Variants in JAZF1 observed in about 807,000 individuals in gnomAD.
JAZF1 encodes the protein JAZF zinc finger 1, also known as juxtaposed with another zinc finger protein 1.
JAZF1 carries 8 observed loss-of-function variants against 26.4 expected under a neutral mutation model. The ratio of observed to expected loss-of-function variants is 0.30; its 90% CI spans 0.18 to 0.55. The LOEUF is 0.55. JAZF1 is among the 20% of genes least tolerant of loss of function. The pLI is 0.94. For synonymous variants in JAZF1, 126 were observed against 122.3 expected (o/e 1.03, Z -0.20); for missense variants, 199 against 322.0 (o/e 0.62, Z 2.92).
At chr7:27,848,113 C>T (rs999474556) in intron 3 of JAZF1, among the ~76,000 whole-genome samples, 1 of 152,156 alleles carries the variant, frequency 6.6e-6, no homozygotes, top group African/African-American at 2.4e-5. Flanking sequence ...CATTAGGATT[C>T]TGATAGGGAT....
intron 2 of JAZF1, among the ~76,000 whole-genome samples, chr7:27,903,307 T>C (rs1784197405): frequency 6.6e-6 from 1 of 152,118 alleles, no homozygotes; most frequent in Non-Finnish European, 1.5e-5. Flanking sequence ...GATTTTCTCA[T>C]GTCAGCCTCC....
chr7:27,986,811 A>T (rs567070202), intron 2 of JAZF1, among the ~76,000 whole-genome samples: 1 of 152,094 alleles, frequency 6.6e-6, no homozygotes. Context: ...GCGCGCTGCC[A>T]TGCCTGACTG....
At chr7:27,937,178 T>C (rs750324660) in intron 2 of JAZF1, among the ~76,000 whole-genome samples, 17 of 152,200 alleles carry the variant, frequency 1.1e-4, no homozygotes, top group Non-Finnish European at 2.2e-4. Flanking sequence ...CCAAAGAGAT[T>C]TGTGCATTAT....
chr7:27,881,227 C>G (rs753469772), intron 3 of JAZF1, among the ~76,000 whole-genome samples: 1 of 152,162 alleles, frequency 6.6e-6, no homozygotes, highest in Non-Finnish European at 1.5e-5. Flanking sequence ...GCATGGCCCA[C>G]AGGTGGTGGC....
Position 27,831,075 on chromosome 7 carries a change from A to G in JAZF1, c.*1725T>C, listed in dbSNP as rs971557617. On this transcript the variant is annotated 3_prime_UTR_variant, in exon 5 of 5. Coordinates refer to ENST00000283928, the MANE Select transcript of JAZF1 (RefSeq NM_175061.4). ...CTTATGCACCAACTAGTTGCGTCTC[A>G]TGTCTGGATCACCCTTTTAAACATA... The G allele has an allele frequency of 1.4e-4, 32 of 222,434 alleles. No individual in the cohort carries two copies. Among genetic ancestry groups the G allele is most frequent in the Middle Eastern group, 1.4e-3 (1 of 714 alleles). The allele number at this position is 222,434 out of a possible 1,614,324, so 13.8% of individuals were successfully genotyped here.
intron 2 of JAZF1, among the ~76,000 whole-genome samples, chr7:27,982,418 T>C (rs556505885): frequency 6.6e-6 from 1 of 152,238 alleles, no homozygotes; most frequent in African/African-American, 2.4e-5. Context: ...CGTCCGCCAC[T>C]GCTGAGGCTT....
At chr7:27,938,142 C>A (rs1488214935) in intron 2 of JAZF1, among the ~76,000 whole-genome samples, 4 of 152,196 alleles carry the variant, frequency 2.6e-5, no homozygotes, top group Non-Finnish European at 2.9e-5. Context: ...AACAATTTCA[C>A]AACCTGACCC....
intron 1 of JAZF1, among the ~76,000 whole-genome samples, chr7:28,077,528 A>G (rs1291527590): frequency 2.0e-5 from 3 of 152,098 alleles, no homozygotes; most frequent in Non-Finnish European, 4.4e-5. Flanking sequence ...TTCTACAACA[A>G]ATAAATAAAA....
At chr7:28,026,388 C>T (rs549579305) in intron 1 of JAZF1, among the ~76,000 whole-genome samples, 1 of 152,294 alleles carries the variant, frequency 6.6e-6, no homozygotes, top group East Asian at 1.9e-4. Flanking sequence ...TAAGAGAATG[C>T]AGTGCAGACA....
intron 3 of JAZF1, among the ~76,000 whole-genome samples, chr7:27,864,496 T>A (rs560080132): frequency 8.0e-4 from 122 of 152,248 alleles, no homozygotes; most frequent in African/African-American, 2.8e-3. Context: ...TCAAAACCCA[T>A]GGGTTTGCCC....
At chr7:28,128,333 C>A (rs376074368) in intron 1 of JAZF1, among the ~76,000 whole-genome samples, 42 of 152,148 alleles carry the variant, frequency 2.8e-4, no homozygotes, top group African/African-American at 8.9e-4. Context: ...ACCAGCCTGG[C>A]CAATATGGTG....
Position 27,930,246 on chromosome 7 carries a change from T to C in JAZF1, c.189-34830A>G, listed in dbSNP as rs533697091. 1.2e-4 allele frequency among the ~76,000 whole-genome samples: 18 copies of C among 152,262 alleles called. No individual in the cohort carries two copies. The East Asian group carries it at 3.3e-3, about 28-fold the overall frequency. ...TCCTGACCTCATGATCCGCCCGCCTTGGCCTCCCAAAGTACTGGGATTACA... is the reference window on the plus strand; with the variant it reads ...TCCTGACCTCATGATCCGCCCGCCTCGGCCTCCCAAAGTACTGGGATTACA... On this transcript the variant is annotated intron_variant, in intron 2 of 4. Coordinates refer to ENST00000283928, the MANE Select transcript of JAZF1 (RefSeq NM_175061.4).
At chr7:27,881,609 C>A (rs1023171476) in intron 3 of JAZF1, among the ~76,000 whole-genome samples, 24 of 152,236 alleles carry the variant, frequency 1.6e-4, no homozygotes, top group African/African-American at 5.5e-4. Context: ...AGGGTGGGGG[C>A]CTGCTCAAGA....
At chr7:27,855,436 GGTT>G (rs1783229863) in intron 3 of JAZF1, among the ~76,000 whole-genome samples, 1 of 151,854 alleles carries the variant, frequency 6.6e-6, no homozygotes, top group Non-Finnish European at 1.5e-5. Context: ...TCCAGGAGCT[GGTT>G]TTTTGAAAAA....
chr7:28,116,027 A>G (rs1784735985), intron 1 of JAZF1, among the ~76,000 whole-genome samples: 1 of 152,214 alleles, frequency 6.6e-6, no homozygotes, highest in African/African-American at 2.4e-5. Context: ...AAAGTGGATC[A>G]TAGTTTATTT....
At chr7:28,069,104 C>T (rs1331361271) in intron 1 of JAZF1, among the ~76,000 whole-genome samples, 1 of 152,230 alleles carries the variant, frequency 6.6e-6, no homozygotes, top group African/African-American at 2.4e-5. Context: ...ATCCAATCTG[C>T]CTACTGACAA....
chr7:28,130,828 G>A (rs10486579), intron 1 of JAZF1, among the ~76,000 whole-genome samples: 5,359 of 152,174 alleles, frequency 0.035, 298 homozygotes, highest in African/African-American at 0.12. Flanking sequence ...GCAACTTCCT[G>A]AACACAAGAG....
intron 1 of JAZF1, among the ~76,000 whole-genome samples, chr7:28,155,555 C>T (rs1024134955): frequency 2.0e-5 from 3 of 152,176 alleles, no homozygotes; most frequent in South Asian, 2.1e-4. Context: ...AATTTAGGAA[C>T]CTTTTACAGC....
At chr7:28,089,463 G>T (rs1024335187) in intron 1 of JAZF1, among the ~76,000 whole-genome samples, 2 of 152,206 alleles carry the variant, frequency 1.3e-5, no homozygotes, top group African/African-American at 2.4e-5. Flanking sequence ...ATTGGTACTG[G>T]GAAGTGGAGT....
Sources: gnomAD v4.1 joint callset for allele counts (sites outside exome capture counted in the v4.1 genomes callset) on GRCh38, gnomAD v4.1.1 for gene constraint, MANE v1.5 for transcripts, NCBI Gene and HGNC (gene_info 2026-07-23, HGNC 2026-07-21) for gene names.